CAMK1D: variants seen among roughly 807,000 people sequenced by gnomAD.
CAMK1D encodes the protein calcium/calmodulin dependent protein kinase ID.
CAMK1D carries 9 observed loss-of-function variants against 47.7 expected under a neutral mutation model. That is an observed-to-expected ratio of 0.19 (90% CI 0.11 to 0.33). The LOEUF (loss-of-function observed/expected upper bound fraction) is 0.33. Ranked by LOEUF, CAMK1D falls within the 10% of genes least tolerant of loss-of-function variation. CAMK1D has a pLI of 1.00. For synonymous variants in CAMK1D, 184 were observed against 184.9 expected (o/e 0.99, Z 0.04); for missense variants, 291 against 488.7 (o/e 0.60, Z 3.81).
intron 1 of CAMK1D, among the ~76,000 whole-genome samples, chr10:12,487,610 C>G (rs959135125): frequency 5.3e-5 from 8 of 152,230 alleles, no homozygotes; most frequent in Admixed American, 3.3e-4. Flanking sequence ...CTGCAGCGAG[C>G]TCAGCTCATC....
intron 2 of CAMK1D, among the ~76,000 whole-genome samples, chr10:12,632,429 C>G (rs1011347210): frequency 6.6e-6 from 1 of 152,172 alleles, no homozygotes; most frequent in Non-Finnish European, 1.5e-5. Context: ...AGTGGCAGAA[C>G]AGCTGATAGG....
At chr10:12,663,955 A>T (rs975223634) in intron 2 of CAMK1D, among the ~76,000 whole-genome samples, 1 of 152,168 alleles carries the variant, frequency 6.6e-6, no homozygotes, top group Non-Finnish European at 1.5e-5. Flanking sequence ...AACAGCTCCA[A>T]GTTAATTAAA....
intron 1 of CAMK1D, among the ~76,000 whole-genome samples, chr10:12,373,657 A>AAAT (rs1242010456): frequency 3.9e-5 from 6 of 151,990 alleles, no homozygotes; most frequent in African/African-American, 1.5e-4. Context: ...CAAACAAAAA[A>AAAT]ACACCCCAAA....
intron 2 of CAMK1D, among the ~76,000 whole-genome samples, chr10:12,588,883 T>TGC (rs1554793276): frequency 8.8e-5 from 12 of 136,188 alleles, no homozygotes; most frequent in African/African-American, 1.2e-4. Context: ...TGTGTGTGTG[T>TGC]GCGTGCGTGT....
chr10:12,541,845 TCCTTC>T (rs1200189597), intron 1 of CAMK1D, among the ~76,000 whole-genome samples: 3 of 100,038 alleles, frequency 3.0e-5, no homozygotes, highest in African/African-American at 4.7e-5. Context: ...TGTTTTATCT[TCCTTC>T]CTTCCTTCCT....
intron 3 of CAMK1D, among the ~76,000 whole-genome samples, chr10:12,703,796 G>A (rs1377889124): frequency 6.6e-6 from 1 of 151,640 alleles, no homozygotes; most frequent in Non-Finnish European, 1.5e-5. Context: ...TTAAACCTGG[G>A]AGGCGGAGGT....
rs111718167 is a variant in CAMK1D, at chr10:12,450,073, A to T, written c.92+100163A>T. Among the ~76,000 whole-genome samples the T allele has an allele frequency of 4.0e-3, 580 of 144,798 alleles. 9 individuals carry two copies. The highest frequency in any genetic ancestry group is 0.013 in the African/African-American group (531 of 40,020). The allele number at this position is 144,798 out of a possible 152,430, so 95.0% of individuals were successfully genotyped here. A position where few individuals can be genotyped will look rare whatever the true frequency, so the allele number is the denominator to read the frequency against. The stretch of plus-strand genomic sequence containing the variant: ...TTACACCCATACTAACAGTAGTGTC[A>T]ATCTCTGTTCCTTCACCCAAGGAAG... On this transcript the variant is annotated intron_variant, in intron 1 of 10. Transcript: ENST00000619168.
intron 1 of CAMK1D, among the ~76,000 whole-genome samples, chr10:12,419,568 A>G (rs936591053): frequency 1.2e-4 from 18 of 150,846 alleles, no homozygotes; most frequent in African/African-American, 4.4e-4. Context: ...TGCACACCTC[A>G]CTCCCCACCG....
At chr10:12,681,307 G>T (rs1319038183) in intron 3 of CAMK1D, among the ~76,000 whole-genome samples, 1 of 152,222 alleles carries the variant, frequency 6.6e-6, no homozygotes, top group African/African-American at 2.4e-5. Context: ...AGAACTGCTA[G>T]TGCCTGCCCC....
At chr10:12,502,236 G>T (rs562017117) in intron 1 of CAMK1D, among the ~76,000 whole-genome samples, 7 of 152,178 alleles carry the variant, frequency 4.6e-5, no homozygotes. Context: ...CAGAGCTTTA[G>T]GAAGGTATTC....
intron 1 of CAMK1D, among the ~76,000 whole-genome samples, chr10:12,468,488 G>C (rs1254492510): frequency 2.0e-5 from 3 of 152,218 alleles, no homozygotes; most frequent in Non-Finnish European, 2.9e-5. Context: ...GGATGCTGCT[G>C]GTTCCCAGGT....
chr10:12,712,815 ATT>A (rs1354832188), intron 3 of CAMK1D, among the ~76,000 whole-genome samples: 1 of 152,070 alleles, frequency 6.6e-6, no homozygotes, highest in East Asian at 1.9e-4. Context: ...ATTAGACTCT[ATT>A]ATCTCCCCCG....
chr10:12,434,658 G>A (rs1050303231), intron 1 of CAMK1D, among the ~76,000 whole-genome samples: 3 of 152,212 alleles, frequency 2.0e-5, no homozygotes, highest in African/African-American at 7.2e-5. Flanking sequence ...TTCCCTAATT[G>A]CAAAGTGAAA....
chr10:12,397,400 C>G (rs1588440952), intron 1 of CAMK1D, among the ~76,000 whole-genome samples: 1 of 152,106 alleles, frequency 6.6e-6, no homozygotes, highest in South Asian at 2.1e-4. Context: ...CTTTTTTCTT[C>G]CAGTCCTGGC....
At chr10:12,464,096 C>T (rs995161449) in intron 1 of CAMK1D, among the ~76,000 whole-genome samples, 3 of 152,076 alleles carry the variant, frequency 2.0e-5, no homozygotes, top group Non-Finnish European at 2.9e-5. Flanking sequence ...AGTATGAAAA[C>T]GGACTAATAC....
chr10:12,708,576 G>A (rs566592931), intron 3 of CAMK1D, among the ~76,000 whole-genome samples: 2 of 152,202 alleles, frequency 1.3e-5, no homozygotes, highest in East Asian at 1.9e-4. Context: ...AGCTTCAGAC[G>A]GCCTCAGCAA....
intron 6 of CAMK1D, among the ~76,000 whole-genome samples, chr10:12,793,644 C>T (rs963754054): frequency 6.6e-6 from 1 of 151,956 alleles, no homozygotes; most frequent in Admixed American, 6.6e-5. Context: ...CTTGCTGTGT[C>T]CTCACATGCT....
chr10:12,763,958 C>G (rs546337646), intron 4 of CAMK1D, among the ~76,000 whole-genome samples: 3 of 152,184 alleles, frequency 2.0e-5, no homozygotes, highest in African/African-American at 7.2e-5. Context: ...CCCCCACCCC[C>G]ACAGCCCTCC....
At chr10:12,363,098 A>G (rs1837726669) in intron 1 of CAMK1D, among the ~76,000 whole-genome samples, 1 of 150,894 alleles carries the variant, frequency 6.6e-6, no homozygotes, top group Non-Finnish European at 1.5e-5. Flanking sequence ...ACGCCAGCAC[A>G]CCCAGCTAAT....
Sources: gnomAD v4.1 joint callset for allele counts (sites outside exome capture counted in the v4.1 genomes callset) on GRCh38, gnomAD v4.1.1 for gene constraint, MANE v1.5 for transcripts, NCBI Gene and HGNC (gene_info 2026-07-23, HGNC 2026-07-21) for gene names.